SND1: variants seen among roughly 807,000 people sequenced by gnomAD.
SND1 encodes staphylococcal nuclease domain-containing protein 1.
In SND1, 38 loss-of-function variants were observed where a neutral mutation model predicts 121.7. The observed-to-expected ratio is 0.31, with a 90% CI of 0.24 to 0.41. The LOEUF (loss-of-function observed/expected upper bound fraction) is 0.41, where lower values mean the gene tolerates loss of function less well. Among genes scored for constraint, SND1 ranks in the 10% least tolerant of loss-of-function variants. The pLI, the probability that SND1 is intolerant of heterozygous loss-of-function variation, is 1.00. For synonymous variants in SND1, 401 were observed against 447.4 expected, an observed-to-expected ratio of 0.90 and a Z score of 1.31; for missense variants, 868 against 1,184.6, an observed-to-expected ratio of 0.73 and a Z score of 3.92.
At position 127,806,927 on chromosome 7, in the gene SND1, C is replaced by G. The variant is rs143193937; in HGVS notation, c.1153-557C>G. On this transcript the variant is annotated intron_variant, in intron 10 of 23. Coordinates refer to ENST00000354725, the MANE Select transcript of SND1 (RefSeq NM_014390.4). Reference sequence around the variant, plus strand: ...TGAGCCAAGATCATGCCCCTGCACTCCAGCCTGGGCAACAGAGCAAGACTC... The same window carrying G: ...TGAGCCAAGATCATGCCCCTGCACTGCAGCCTGGGCAACAGAGCAAGACTC... Among the ~76,000 whole-genome samples the G allele has an allele frequency of 2.9e-3, 439 of 152,230 alleles. 4 individuals are homozygous for G. Among genetic ancestry groups the G allele is most frequent in the African/African-American group, 9.9e-3 (413 of 41,542 alleles).
intron 14 of SND1, among the ~76,000 whole-genome samples, chr7:127,916,940 T>C (rs1800591728): frequency 6.6e-6 from 1 of 152,218 alleles, no homozygotes; most frequent in Admixed American, 6.5e-5. Flanking sequence ...ATGTACATAA[T>C]GATGGCGTCT....
chr7:127,759,703 CTG>C (rs1797267114), intron 10 of SND1, among the ~76,000 whole-genome samples: 1 of 151,432 alleles, frequency 6.6e-6, no homozygotes, highest in African/African-American at 2.4e-5. Context: ...ATATTTATGT[CTG>C]TATGTATTTC....
At chr7:127,811,327 T>C (rs924634808) in intron 11 of SND1, among the ~76,000 whole-genome samples, 1 of 152,194 alleles carries the variant, frequency 6.6e-6, no homozygotes, top group African/African-American at 2.4e-5. Flanking sequence ...TTTCTTGAGG[T>C]ATGTACTTTT....
In SND1 at chr7:127,673,042, A is replaced by G. The variant is rs539851614; in HGVS notation, c.79-13571A>G. On this transcript the variant is annotated intron_variant, in intron 1 of 23. Transcript: ENST00000354725. ...TTAGGTATAAGTATCTTATATAATA[A>G]GTATTTTATGTAATAAGTAATACAT... is the stretch of plus-strand genomic sequence containing the variant. Among the ~76,000 whole-genome samples the G allele has an allele frequency of 5.9e-5, 9 of 151,636 alleles. 1 individual carries two copies. In the South Asian group the frequency reaches 1.7e-3, roughly 28 times the overall value.
chr7:127,772,495 T>C (rs551064069), intron 10 of SND1, among the ~76,000 whole-genome samples: 48 of 152,144 alleles, frequency 3.2e-4, no homozygotes, highest in Admixed American at 1.0e-3. Flanking sequence ...ATTTTCAGGG[T>C]TGGAAGAAAT....
intron 16 of SND1, among the ~76,000 whole-genome samples, chr7:128,047,665 CAG>C (rs1191144403): frequency 6.6e-6 from 1 of 152,170 alleles, no homozygotes; most frequent in East Asian, 1.9e-4. Flanking sequence ...AAGACATAAT[CAG>C]AGTTGAGAGA....
chr7:127,949,050 T>C (rs183428890), intron 15 of SND1: 2 of 152,244 alleles, frequency 1.3e-5, no homozygotes, highest in Non-Finnish European at 2.9e-5. Flanking sequence ...CCAATACTGC[T>C]TATGTGCAGT....
Position 127,896,265 on chromosome 7 carries a change from G to A in SND1, c.1454+8253G>A, listed in dbSNP as rs569333582. 1.2e-4 allele frequency among the ~76,000 whole-genome samples: 18 copies of A among 152,084 alleles called. No homozygotes were observed. The South Asian group carries it at 3.5e-3, about 30-fold the overall frequency. On this transcript the variant is annotated intron_variant, in intron 13 of 23. Coordinates refer to ENST00000354725, the MANE Select transcript of SND1 (RefSeq NM_014390.4). Reference sequence around the variant, plus strand: ...CGTCTCACTCTCCTCTTGGCTAAGAGGCTCTTGCTTCTTTCACACAACCCA... The same window carrying A: ...CGTCTCACTCTCCTCTTGGCTAAGAAGCTCTTGCTTCTTTCACACAACCCA...
chr7:127,808,155 G>T (rs1184607796), intron 11 of SND1, among the ~76,000 whole-genome samples: 18 of 144,354 alleles, frequency 1.2e-4, no homozygotes, highest in Non-Finnish European at 2.2e-4. Flanking sequence ...TGTGTAGCTT[G>T]ATGGCTTCTT....
At chr7:127,848,962 T>G (rs1799116888) in intron 12 of SND1, among the ~76,000 whole-genome samples, 2 of 152,166 alleles carry the variant, frequency 1.3e-5, no homozygotes, top group South Asian at 4.2e-4. Context: ...GAAAACAAGG[T>G]TCATCATTCC....
chr7:128,028,762 G>A, intron 16 of SND1: 1 of 1,614,080 alleles, frequency 6.2e-7, no homozygotes, highest in Non-Finnish European at 8.5e-7. Context: ...GTGGGGTGCA[G>A]AGAGTTCCCC....
intron 9 of SND1, among the ~76,000 whole-genome samples, chr7:127,719,348 G>C (rs1796448111): frequency 6.6e-6 from 1 of 152,116 alleles, no homozygotes; most frequent in African/African-American, 2.4e-5. Flanking sequence ...TTCAGTGACT[G>C]AATCTGTATT....
chr7:127,976,970 C>T (rs1222116362), intron 15 of SND1, among the ~76,000 whole-genome samples: 4 of 152,146 alleles, frequency 2.6e-5, no homozygotes, highest in African/African-American at 9.7e-5. Flanking sequence ...ATTCCGCCCG[C>T]ACTAATGGAG....
intron 15 of SND1, chr7:127,949,122 T>C (rs1455938941): frequency 6.6e-6 from 1 of 152,204 alleles, no homozygotes; most frequent in Non-Finnish European, 1.5e-5. Context: ...TCATTTTACA[T>C]GAACAATGCA....
intron 16 of SND1, chr7:128,030,383 G>A (rs762713672): frequency 4.4e-5 from 71 of 1,613,832 alleles, no homozygotes; most frequent in Non-Finnish European, 4.2e-5. Flanking sequence ...TCATCTGGAT[G>A]TTGTTCTCCA....
In SND1 at chr7:127,926,393, G is replaced by GGTCC. The variant is rs1385178328; in HGVS notation, c.1528-2794_1528-2791dup. On this transcript the variant is annotated intron_variant, in intron 14 of 23. Transcript: ENST00000354725. ...ATATCCATCTTTCCACTTAGTGACT[G>GGTCC]GTCCACAGGCATATCACCTCATCCA... is the stretch of plus-strand genomic sequence containing the variant. Among the ~76,000 whole-genome samples, 3 of 152,112 alleles carry GGTCC rather than the reference G, an allele frequency of 2.0e-5. No homozygotes were observed. In the East Asian group the frequency reaches 5.8e-4, roughly 29 times the overall value.
chr7:127,904,071 G>A (rs992612015), intron 13 of SND1, among the ~76,000 whole-genome samples: 1 of 152,184 alleles, frequency 6.6e-6, no homozygotes, highest in African/African-American at 2.4e-5. Flanking sequence ...CTAGTGAGGC[G>A]TAGGCTTCTG....
At chr7:128,031,451 G>C (rs1200600625) in intron 16 of SND1, 1 of 151,828 alleles carries the variant, frequency 6.6e-6, no homozygotes, top group Admixed American at 6.6e-5. Flanking sequence ...AGCTCGCGGA[G>C]CGGCGAGAGT....
intron 4 of SND1, among the ~76,000 whole-genome samples, chr7:127,700,775 C>T (rs1018848416): frequency 6.6e-6 from 1 of 152,148 alleles, no homozygotes; most frequent in African/African-American, 2.4e-5. Flanking sequence ...GGTTCTTAGT[C>T]GGCTTCTCTG....
Sources: gnomAD v4.1 joint callset for allele counts (sites outside exome capture counted in the v4.1 genomes callset) on GRCh38, gnomAD v4.1.1 for gene constraint, MANE v1.5 for transcripts, NCBI Gene and HGNC (gene_info 2026-07-23, HGNC 2026-07-21) for gene names.